The following LIMK1 variants were observed in gnomAD, a reference collection of about 807,000 sequenced individuals.
LIMK1 encodes LIM motif-containing protein kinase.
A neutral mutation model predicts 77.6 loss-of-function variants in LIMK1; 21 were observed. The observed-to-expected ratio is 0.27, with a 90% CI of 0.19 to 0.39. The LOEUF is 0.39. Ranked by LOEUF, LIMK1 falls within the 10% of genes least tolerant of loss-of-function variation. The pLI, the probability that LIMK1 is intolerant of heterozygous loss-of-function variation, is 1.00. For missense variants in LIMK1, 696 were observed against 901.6 expected, an observed-to-expected ratio of 0.77 and a Z score of 2.92; for synonymous variants, 358 against 370.0, an observed-to-expected ratio of 0.97 and a Z score of 0.37.
intron 10 of LIMK1, chr7:74,110,743 C>T (rs1470118240): frequency 6.6e-6 from 1 of 151,418 alleles, no homozygotes; most frequent in Non-Finnish European, 1.5e-5. Flanking sequence ...GTTGGTCAGG[C>T]TGGTCTCAAA....
intron 2 of LIMK1, among the ~76,000 whole-genome samples, chr7:74,095,865 G>A (rs1271687761): frequency 6.6e-6 from 1 of 152,014 alleles, no homozygotes; most frequent in African/African-American, 2.4e-5. Flanking sequence ...GCCCTTCAAG[G>A]CCCCACCAAC....
At chr7:74,097,413 C>T (rs574613026) in intron 4 of LIMK1, among the ~76,000 whole-genome samples, 9 of 152,210 alleles carry the variant, frequency 5.9e-5, no homozygotes, top group East Asian at 1.9e-4. Flanking sequence ...TGCTGGCTCA[C>T]GCCTGTAAAC....
intron 10 of LIMK1, chr7:74,110,454 G>A (rs1563921667): frequency 1.3e-5 from 2 of 152,234 alleles, no homozygotes; most frequent in Non-Finnish European, 2.9e-5. Context: ...AGGTGACCTT[G>A]CTGGGCCCTT....
chr7:74,086,771 A>G (rs1401233516), intron 2 of LIMK1, among the ~76,000 whole-genome samples: 1 of 152,002 alleles, frequency 6.6e-6, no homozygotes, highest in Admixed American at 6.6e-5. Context: ...GACAGGGGGA[A>G]GAGTTGGAAG....
At chr7:74,085,870 G>A in intron 2 of LIMK1, 26 bp downstream of exon 2, 1 of 1,520,408 alleles carries the variant, frequency 6.6e-7, no homozygotes, top group Non-Finnish European at 8.9e-7. Flanking sequence ...CAGGGCCTGT[G>A]TTGCCCTAAA....
In LIMK1 at chr7:74,107,117, C is replaced by T. The variant is rs1554697769; in HGVS notation, c.989C>T (p.Pro330Leu). ...RSESLRVVCRPHRIFRPSDLI... is the reference protein window; with the variant it reads ...RSESLRVVCRLHRIFRPSDLI... ...GAGTCCCTCCGCGTAGTCTGCCGGC[C>T]ACACCGCATCTTCCGGCCGTCGGAC... Residue 330 changes from proline to leucine, a missense_variant, in exon 8 of 16, where the codon CCA (proline) becomes CTA (leucine). This residue lies in a region of LIMK1 where 438 missense variants were observed against 602.3 expected (regional missense o/e 0.73). Transcript: ENST00000336180. 1 of 1,612,962 alleles carries T rather than the reference C, an allele frequency of 6.2e-7. No individual in the cohort carries two copies. Among genetic ancestry groups the T allele is most frequent in the African/African-American group, 1.3e-5 (1 of 74,944 alleles).
At chr7:74,086,904 T>C (rs1563909977) in intron 2 of LIMK1, among the ~76,000 whole-genome samples, 1 of 152,098 alleles carries the variant, frequency 6.6e-6, no homozygotes, top group Non-Finnish European at 1.5e-5. Flanking sequence ...CATAACCCAG[T>C]CACACCAGCC....
At chr7:74,101,033 G>A (rs1322750677) in intron 5 of LIMK1, among the ~76,000 whole-genome samples, 2 of 146,952 alleles carry the variant, frequency 1.4e-5, no homozygotes, top group African/African-American at 2.7e-5. Flanking sequence ...CACCACGCCC[G>A]GCCCTACCAA....
intron 2 of LIMK1, chr7:74,094,347 G>T (rs1799296457): frequency 6.6e-6 from 1 of 152,394 alleles, no homozygotes; most frequent in East Asian, 1.9e-4. Flanking sequence ...GTGAGTTTCT[G>T]CGTGAGCGAG....
intron 2 of LIMK1, among the ~76,000 whole-genome samples, chr7:74,091,542 A>T (rs1554694789): frequency 6.6e-6 from 1 of 152,192 alleles, no homozygotes; most frequent in Non-Finnish European, 1.5e-5. Context: ...GATTTTACAA[A>T]TGAGGTGCAG....
chr7:74,109,223 A>G (rs1799648059), intron 10 of LIMK1, 187 bp downstream of exon 10: 3 of 583,152 alleles, frequency 5.1e-6, no homozygotes, highest in African/African-American at 3.7e-5. Flanking sequence ...GGCCAGGTAC[A>G]ATGGTGCACA....
intron 2 of LIMK1, among the ~76,000 whole-genome samples, chr7:74,094,735 C>T (rs1799306502): frequency 6.6e-6 from 1 of 152,086 alleles, no homozygotes; most frequent in Non-Finnish European, 1.5e-5. Context: ...CGTCCTCCGC[C>T]CCACCCCCGC....
chr7:74,118,414 A>ACG (rs1375523273), intron 13 of LIMK1, among the ~76,000 whole-genome samples: 1 of 150,654 alleles, frequency 6.6e-6, no homozygotes, highest in Non-Finnish European at 1.5e-5. Flanking sequence ...ACACACACAC[A>ACG]CACACACACA....
intron 2 of LIMK1, among the ~76,000 whole-genome samples, chr7:74,091,335 G>C (rs112337142): frequency 3.9e-5 from 6 of 152,206 alleles, no homozygotes; most frequent in African/African-American, 1.4e-4. Flanking sequence ...ATCAACCTAG[G>C]CAACATAGTG....
At position 74,085,789 on chromosome 7, in the gene LIMK1, T is replaced by C; in HGVS notation, c.97T>C (p.Tyr33His). The change falls in exon 2 of 16, where the codon TAT (tyrosine) becomes CAT (histidine). Residue 33 changes from tyrosine to histidine, a missense_variant. By Grantham distance (83) the Tyr-to-His change is moderately conservative. Coordinates refer to ENST00000336180, the MANE Select transcript of LIMK1 (RefSeq NM_002314.4). The part of the protein sequence containing the change: ...PVCASCGQRI[Y>H]DGQYLQALNA... ...GTGTGCAAGCTGCGGCCAGAGGATCTATGATGGCCAGTACCTCCAGGCCCT... is the reference window on the plus strand; with the variant it reads ...GTGTGCAAGCTGCGGCCAGAGGATCCATGATGGCCAGTACCTCCAGGCCCT... 1 of 1,564,678 alleles carries C rather than the reference T, an allele frequency of 6.4e-7. No individual in the cohort carries two copies. Among genetic ancestry groups the C allele is most frequent in the South Asian group, 1.2e-5 (1 of 85,046 alleles).
At chr7:74,092,619 C>T (rs1360262566) in intron 2 of LIMK1, among the ~76,000 whole-genome samples, 4 of 151,938 alleles carry the variant, frequency 2.6e-5, no homozygotes, top group East Asian at 1.9e-4. Flanking sequence ...ACTGCCTCTG[C>T]GAGGTCCCCT....
chr7:74,096,569 G>A, intron 2 of LIMK1, 53 bp from the exon 3 acceptor site: 1 of 1,610,294 alleles, frequency 6.2e-7, no homozygotes, highest in Non-Finnish European at 8.5e-7. Context: ...AGGGGCCCAG[G>A]TGAGGTGGAG....
chr7:74,115,774 C>A, intron 12 of LIMK1, 28 bp from the exon 13 acceptor site: 2 of 1,610,202 alleles, frequency 1.2e-6, no homozygotes, highest in Admixed American at 3.3e-5. Context: ...GGATCGGGTC[C>A]CAGCATGACC....
intron 12 of LIMK1, 146 bp downstream of exon 12, chr7:74,112,144 G>A (rs1799712642): frequency 1.8e-5 from 12 of 664,962 alleles, no homozygotes; most frequent in Admixed American, 5.7e-5. Context: ...GCAGCAGCCC[G>A]TGGGGAAGAG....
Sources: allele counts gnomAD v4.1 joint callset (sites outside exome capture counted in the v4.1 genomes callset), GRCh38; gene constraint gnomAD v4.1.1; regional missense constraint gnomAD v4.1.1; transcripts MANE v1.5; gene names NCBI Gene and HGNC (gene_info 2026-07-23, HGNC 2026-07-21).